Variants in B3GALT1 observed in about 807,000 individuals in gnomAD.
The protein encoded by B3GALT1 is UDP-Gal:betaGlcNAc beta 1,3-galactosyltransferase, polypeptide 1.
In B3GALT1, 10 loss-of-function variants were observed where a neutral mutation model predicts 23.2. That is an observed-to-expected ratio of 0.43 (90% CI 0.27 to 0.73). The LOEUF (loss-of-function observed/expected upper bound fraction) is 0.73. Ranked by LOEUF, B3GALT1 falls within the 30% of genes least tolerant of loss-of-function variation. The pLI is 0.21. For missense variants in B3GALT1, 299 were observed against 405.4 expected, an observed-to-expected ratio of 0.74 and a Z score of 2.25; for synonymous variants, 156 against 141.5, an observed-to-expected ratio of 1.10 and a Z score of -0.73.
At chr2:167,369,827 C>G (rs1046400330) in intron 1 of B3GALT1, among the ~76,000 whole-genome samples, 1 of 152,086 alleles carries the variant, frequency 6.6e-6, no homozygotes, top group Non-Finnish European at 1.5e-5. Flanking sequence ...AGCAGCATCA[C>G]ATTGAACTAA....
intron 2 of B3GALT1, among the ~76,000 whole-genome samples, chr2:167,566,300 A>G (rs1558908787): frequency 1.3e-5 from 2 of 151,474 alleles, no homozygotes; most frequent in Non-Finnish European, 2.9e-5. Flanking sequence ...GACTTGAACA[A>G]TGAGAACACA....
At chr2:167,486,572 G>T (rs915830934) in intron 1 of B3GALT1, among the ~76,000 whole-genome samples, 1 of 151,590 alleles carries the variant, frequency 6.6e-6, no homozygotes, top group Admixed American at 6.6e-5. Flanking sequence ...ACAAAAACTA[G>T]CTGGGTGTTG....
intron 3 of B3GALT1, among the ~76,000 whole-genome samples, chr2:167,817,447 G>A (rs836717): frequency 0.24 from 36,824 of 152,050 alleles, 4,921 homozygotes; most frequent in East Asian, 0.56. Context: ...TTCAGGTACC[G>A]TCATCATGAT....
At chr2:167,554,943 T>C (rs191897818) in intron 2 of B3GALT1, among the ~76,000 whole-genome samples, 1 of 152,296 alleles carries the variant, frequency 6.6e-6, no homozygotes, top group East Asian at 1.9e-4. Context: ...ATACATGATA[T>C]CAGGCAGTGA....
chr2:167,453,693 A>T (rs1699123646), intron 1 of B3GALT1, among the ~76,000 whole-genome samples: 3 of 152,314 alleles, frequency 2.0e-5, no homozygotes, highest in Admixed American at 2.0e-4. Context: ...TGTTTAAGGG[A>T]CTCTATTTTA....
At chr2:167,859,697 C>T (rs1431027869) in intron 4 of B3GALT1, among the ~76,000 whole-genome samples, 1 of 152,224 alleles carries the variant, frequency 6.6e-6, no homozygotes. Flanking sequence ...TTGCTTTACA[C>T]CACTGCCTCA....
intron 1 of B3GALT1, among the ~76,000 whole-genome samples, chr2:167,411,378 CAAA>C (rs60719828): frequency 1.2e-4 from 17 of 136,544 alleles, no homozygotes; most frequent in African/African-American, 4.1e-4. Context: ...AACAAAAAAC[CAAA>C]AAAAAAAAAA....
At chr2:167,526,381 C>T (rs115560593) in intron 2 of B3GALT1, among the ~76,000 whole-genome samples, 1,819 of 152,224 alleles carry the variant, frequency 0.012, 32 homozygotes, top group African/African-American at 0.042. Context: ...ATCCAACATC[C>T]GTTTACTTAT....
intron 2 of B3GALT1, among the ~76,000 whole-genome samples, chr2:167,501,848 G>A (rs1041313572): frequency 9.9e-5 from 15 of 151,916 alleles, no homozygotes; most frequent in Non-Finnish European, 1.2e-4. Flanking sequence ...CTTTAAAGTA[G>A]TGTTGAGTTT....
chr2:167,299,318 A>C (rs1696407582), intron 1 of B3GALT1, among the ~76,000 whole-genome samples: 1 of 152,178 alleles, frequency 6.6e-6, no homozygotes, highest in Non-Finnish European at 1.5e-5. Context: ...ACTAGACAAG[A>C]AGAATTATAC....
At chr2:167,423,351 A>G (rs981520582) in intron 1 of B3GALT1, among the ~76,000 whole-genome samples, 1 of 152,142 alleles carries the variant, frequency 6.6e-6, no homozygotes, top group African/African-American at 2.4e-5. Context: ...TGAAATACCA[A>G]AAGGCAACTT....
In B3GALT1 at chr2:167,776,040, GCACACACA is replaced by G. The variant is rs71003011; in HGVS notation, c.-351-42601_-351-42594del. 4.7e-3 allele frequency among the ~76,000 whole-genome samples: 674 copies of G among 142,344 alleles called. 6 individuals carry two copies. Among genetic ancestry groups the G allele is most frequent in the African/African-American group, 0.011 (429 of 37,908 alleles). The allele number at this position is 142,344 out of a possible 152,430, so 93.4% of individuals were successfully genotyped here. On this transcript the variant is annotated intron_variant, in intron 3 of 4. Transcript: ENST00000392690. ...TATAAGTAGATAATTATGCAACTGT[GCACACACA>G]CACACACACACACACACACACACAC...
chr2:167,440,335 ACT>A (rs1435733893), intron 1 of B3GALT1, among the ~76,000 whole-genome samples: 1 of 139,356 alleles, frequency 7.2e-6, no homozygotes, highest in Non-Finnish European at 1.5e-5. Flanking sequence ...ACAGAGCGAG[ACT>A]CTGTCTGAAA....
At chr2:167,758,592 C>A (rs1687855193) in intron 3 of B3GALT1, among the ~76,000 whole-genome samples, 2 of 152,248 alleles carry the variant, frequency 1.3e-5, no homozygotes, top group South Asian at 4.1e-4. Context: ...CTGCTCCCCA[C>A]CACTGCTCTG....
At chr2:167,480,822 G>A (rs1699554881) in intron 1 of B3GALT1, among the ~76,000 whole-genome samples, 3 of 152,110 alleles carry the variant, frequency 2.0e-5, no homozygotes, top group African/African-American at 4.8e-5. Context: ...TCACCCAACT[G>A]GCCAGAGTTT....
At chr2:167,680,454 C>G (rs1391943774) in intron 3 of B3GALT1, among the ~76,000 whole-genome samples, 1 of 98,400 alleles carries the variant, frequency 1.0e-5, no homozygotes, top group Non-Finnish European at 2.5e-5. Flanking sequence ...AAGTATACAT[C>G]AAAATCTCCT....
chr2:167,390,778 C>G (rs531414570), intron 1 of B3GALT1, among the ~76,000 whole-genome samples: 1 of 139,288 alleles, frequency 7.2e-6, no homozygotes, highest in South Asian at 2.5e-4. Flanking sequence ...GCAGGTAAAG[C>G]ATTTAGTAAA....
intron 1 of B3GALT1, among the ~76,000 whole-genome samples, chr2:167,327,503 T>A (rs551498738): frequency 6.6e-6 from 1 of 152,128 alleles, no homozygotes; most frequent in Non-Finnish European, 1.5e-5. Flanking sequence ...GGTATTGCCT[T>A]CTTGATTTCT....
intron 2 of B3GALT1, among the ~76,000 whole-genome samples, chr2:167,633,730 A>G (rs541048742): frequency 3.3e-5 from 5 of 152,018 alleles, no homozygotes; most frequent in African/African-American, 1.2e-4. Context: ...CCCACACAAT[A>G]ATCACAATAA....
Sources: allele counts gnomAD v4.1 joint callset (sites outside exome capture counted in the v4.1 genomes callset), GRCh38; gene constraint gnomAD v4.1.1; transcripts MANE v1.5; gene names NCBI Gene and HGNC (gene_info 2026-07-23, HGNC 2026-07-21).